Variants in HSPA12A observed in about 807,000 individuals in gnomAD.
HSPA12A encodes heat shock 70 kDa protein 12A.
A neutral mutation model predicts 69.2 loss-of-function variants in HSPA12A; 28 were observed. The ratio of observed to expected loss-of-function variants is 0.40; its 90% CI spans 0.30 to 0.55. The LOEUF (loss-of-function observed/expected upper bound fraction) is 0.55. Ranked by LOEUF, HSPA12A falls within the 20% of genes least tolerant of loss-of-function variation. The pLI, the probability that HSPA12A is intolerant of heterozygous loss-of-function variation, is 0.38. For synonymous variants in HSPA12A, 345 were observed against 370.5 expected (o/e 0.93, Z 0.79); for missense variants, 686 against 900.7 (o/e 0.76, Z 3.05).
intron 7 of HSPA12A, among the ~76,000 whole-genome samples, chr10:116,682,781 A>G (rs1374173922): frequency 4.6e-5 from 7 of 151,712 alleles, no homozygotes; most frequent in Admixed American, 3.3e-4. Flanking sequence ...GCTCACTGCA[A>G]GCTCCGCCTC....
chr10:116,737,521 G>T (rs182006891), intron 1 of HSPA12A, among the ~76,000 whole-genome samples: 3 of 152,294 alleles, frequency 2.0e-5, no homozygotes, highest in Admixed American at 1.3e-4. Context: ...GATAAGGAGC[G>T]CAACCACATA....
Position 116,707,151 on chromosome 10 carries a change from GCGCACACACACACACACACA to G in HSPA12A, c.126+29_126+48del, listed in dbSNP as rs1201668961. ...CACGTGTGCTCATGCGCACCCATGC[GCGCACACACACACACACACA>G]CACACACACACACACACACACTTCT... On this transcript the variant is annotated intron_variant, in intron 2 of 11. Coordinates refer to ENST00000369209, the MANE Select transcript of HSPA12A (RefSeq NM_025015.3). 14 of 1,018,346 alleles carry G rather than the reference GCGCACACACACACACACACA, an allele frequency of 1.4e-5. No individual in the cohort carries two copies. In the East Asian group the frequency reaches 1.8e-4, roughly 13 times the overall value. The allele number at this position is 1,018,346 out of a possible 1,614,324, so 63.1% of individuals were successfully genotyped here.
intron 6 of HSPA12A, among the ~76,000 whole-genome samples, chr10:116,689,096 G>GC (rs1367788591): frequency 1.3e-5 from 2 of 152,118 alleles, no homozygotes; most frequent in Non-Finnish European, 2.9e-5. Context: ...CCTCTCTGCA[G>GC]CCTTTACGGG....
At chr10:116,836,389 T>C (rs1845710927) in intron 1 of HSPA12A, among the ~76,000 whole-genome samples, 1 of 152,210 alleles carries the variant, frequency 6.6e-6, no homozygotes, top group Non-Finnish European at 1.5e-5. Context: ...TGTGCCGCCA[T>C]GGAGCCTGCA....
chr10:116,848,405 T>C, intron 1 of HSPA12A, among the ~76,000 whole-genome samples: 1 of 151,908 alleles, frequency 6.6e-6, no homozygotes, highest in African/African-American at 2.4e-5. Context: ...TGAAAATAAC[T>C]GTGTTTCAAA....
intron 2 of HSPA12A, among the ~76,000 whole-genome samples, chr10:116,768,659 G>T (rs782681522): frequency 6.6e-6 from 1 of 152,090 alleles, no homozygotes; most frequent in African/African-American, 2.4e-5. Flanking sequence ...GACTACAGGA[G>T]CCTGGCTAAT....
intron 1 of HSPA12A, among the ~76,000 whole-genome samples, chr10:116,712,689 T>G (rs533807250): frequency 1.3e-5 from 2 of 152,170 alleles, no homozygotes; most frequent in African/African-American, 4.8e-5. Context: ...TCTGCCAAAG[T>G]CATTAGTCAG....
At chr10:116,785,682 GAC>G (rs1377996140) in intron 2 of HSPA12A, among the ~76,000 whole-genome samples, 6 of 152,066 alleles carry the variant, frequency 3.9e-5, no homozygotes, top group South Asian at 2.1e-4. Context: ...CTCTCGGACA[GAC>G]ACACACACAC....
chr10:116,832,168 GTTTTTTTGGTT>G (rs1440542044), intron 2 of HSPA12A: 2 of 149,144 alleles, frequency 1.3e-5, no homozygotes, highest in Non-Finnish European at 2.9e-5. Context: ...GGTTGATTTT[GTTTTTTTGGTT>G]TTTTTTTGAG....
chr10:116,702,271 G>T (rs1328087180), intron 3 of HSPA12A, among the ~76,000 whole-genome samples: 4 of 152,130 alleles, frequency 2.6e-5, no homozygotes, highest in African/African-American at 9.7e-5. Flanking sequence ...GCCCAACCAG[G>T]TCCTGGCTCC....
intron 1 of HSPA12A, among the ~76,000 whole-genome samples, chr10:116,714,013 T>C (rs1243924983): frequency 2.0e-5 from 3 of 150,132 alleles, no homozygotes; most frequent in Admixed American, 1.3e-4. Context: ...GATGGATGGA[T>C]AGATGGATGG....
At position 116,675,609 on chromosome 10, in the gene HSPA12A, T is replaced by A. The variant is rs782422510; in HGVS notation, c.1391-191A>T. Among the ~76,000 whole-genome samples, 3 of 152,200 alleles carry A rather than the reference T, an allele frequency of 2.0e-5. No homozygotes were observed. The highest frequency in any genetic ancestry group is 4.4e-5 in the Non-Finnish European group (3 of 68,028). ...AAGAAAGGGAGTTTGCACACCAATA[T>A]GTTCCGGAATAAAAGCCAGAGCTGC... is the stretch of plus-strand genomic sequence containing the variant. On this transcript the variant is annotated intron_variant, in intron 11 of 11. Coordinates refer to ENST00000369209, the MANE Select transcript of HSPA12A (RefSeq NM_025015.3). The surrounding 1 kb of genome is among the most constrained non-coding windows in gnomAD (Gnocchi z 5.2).
intron 2 of HSPA12A, chr10:116,833,177 A>C (rs923081415): frequency 1.3e-5 from 2 of 152,214 alleles, no homozygotes; most frequent in African/African-American, 4.8e-5. Context: ...CTTGGCTAAC[A>C]GGCCCATAAC....
intron 2 of HSPA12A, chr10:116,751,197 GA>G: frequency 4.1e-6 from 1 of 242,116 alleles, no homozygotes. Flanking sequence ...CCCTTGCTCA[GA>G]AGAAAGATCA....
In HSPA12A at chr10:116,672,089, G is replaced by C. The variant is rs1400504667; in HGVS notation, c.*2692C>G. ...AGGGAGATAGCATTAATGCAAGGCA[G>C]GAAAGGCTTTACATTAGCCCAAAAA... On this transcript the variant is annotated 3_prime_UTR_variant, in exon 12 of 12. Transcript: ENST00000369209. 2.0e-5 allele frequency: 3 copies of C among 152,190 alleles called. No homozygotes were observed. In the East Asian group the frequency reaches 5.8e-4, roughly 29 times the overall value. 9.4% of individuals were successfully genotyped at this position (152,190 alleles called of 1,614,324 possible).
At position 116,731,137 on chromosome 10, in the gene HSPA12A, G is replaced by A. The variant is rs1424684233; in HGVS notation, c.40+11293C>T. ...CTGGAGGGCCCCGGAGTTGGTCCTTGTGCTTAGGCAGAACGGGCCCCTGAC... is the reference window on the plus strand; with the variant it reads ...CTGGAGGGCCCCGGAGTTGGTCCTTATGCTTAGGCAGAACGGGCCCCTGAC... On this transcript the variant is annotated intron_variant, in intron 1 of 11. Transcript: ENST00000369209. Among the ~76,000 whole-genome samples, 6 of 152,338 alleles carry A rather than the reference G, an allele frequency of 3.9e-5. No homozygotes were observed. The East Asian group carries it at 1.2e-3, about 29-fold the overall frequency.
chr10:116,773,670 C>A (rs1380737909), intron 2 of HSPA12A, among the ~76,000 whole-genome samples: 1 of 152,212 alleles, frequency 6.6e-6, no homozygotes, highest in Non-Finnish European at 1.5e-5. Context: ...TCAACTGCAG[C>A]CTGAGAAAGT....
At chr10:116,815,469 G>A (rs371767230) in intron 2 of HSPA12A, among the ~76,000 whole-genome samples, 39 of 152,272 alleles carry the variant, frequency 2.6e-4, no homozygotes, top group Middle Eastern at 3.4e-3. Flanking sequence ...CAGCTACTCA[G>A]GAGGCTGAGG....
At chr10:116,681,114 G>T in intron 9 of HSPA12A, 38 bp downstream of exon 9, 3 of 1,387,258 alleles carry the variant, frequency 2.2e-6, no homozygotes, top group East Asian at 2.3e-5. Flanking sequence ...GCCTGGAATT[G>T]GCTCAGGAAT....
Sources: allele counts gnomAD v4.1 joint callset (sites outside exome capture counted in the v4.1 genomes callset), GRCh38; gene constraint gnomAD v4.1.1; non-coding constraint Gnocchi (gnomAD v3.1); transcripts MANE v1.5; gene names NCBI Gene and HGNC (gene_info 2026-07-23, HGNC 2026-07-21).